Variants in SLC5A12 observed in about 807,000 individuals in gnomAD.
SLC5A12 encodes solute carrier family 5 member 12.
Under a neutral mutation model 72.7 loss-of-function variants are expected in SLC5A12, and 46 were observed. The observed-to-expected ratio is 0.63, with a 90% CI of 0.50 to 0.81. The LOEUF (loss-of-function observed/expected upper bound fraction) is 0.81. Ranked by LOEUF, SLC5A12 falls within the 30% of genes least tolerant of loss-of-function variation. The pLI, the probability that SLC5A12 is intolerant of heterozygous loss-of-function variation, is 0.00. For missense variants in SLC5A12, 683 were observed against 740.7 expected (o/e 0.92, Z 0.90); for synonymous variants, 275 against 264.4 (o/e 1.04, Z -0.39).
At chr11:26,686,643 T>C in intron 9 of SLC5A12, 99 bp from the exon 10 acceptor site, 1 of 1,024,774 alleles carries the variant, frequency 9.8e-7, no homozygotes. Context: ...ATCCAAGCCC[T>C]TTGCAAAGGG....
intron 1 of SLC5A12, among the ~76,000 whole-genome samples, chr11:26,715,796 C>T (rs1855337762): frequency 6.6e-6 from 1 of 152,094 alleles, no homozygotes; most frequent in Non-Finnish European, 1.5e-5. Flanking sequence ...CTAAAGGTAA[C>T]AAGGACAAGC....
intron 13 of SLC5A12, among the ~76,000 whole-genome samples, chr11:26,678,511 A>G (rs1565184571): frequency 1.3e-5 from 2 of 151,702 alleles, no homozygotes; most frequent in Non-Finnish European, 2.9e-5. Flanking sequence ...TCCCGTGAAT[A>G]TATGTTTTAT....
At chr11:26,717,613 A>G (rs960284999) in intron 1 of SLC5A12, among the ~76,000 whole-genome samples, 1 of 152,204 alleles carries the variant, frequency 6.6e-6, no homozygotes, top group Non-Finnish European at 1.5e-5. Context: ...CCCACTGCAT[A>G]TCAAGGCATT....
intron 4 of SLC5A12, among the ~76,000 whole-genome samples, chr11:26,704,896 G>A (rs1262591626): frequency 6.6e-6 from 1 of 152,074 alleles, no homozygotes; most frequent in Non-Finnish European, 1.5e-5. Flanking sequence ...AACTAGGAAG[G>A]AATAGTATAT....
intron 10 of SLC5A12, 24 bp from the exon 11 acceptor site, chr11:26,683,867 T>A (rs770303706): frequency 7.0e-6 from 11 of 1,565,754 alleles, no homozygotes; most frequent in Non-Finnish European, 9.5e-6. Context: ...GCAGACCAGA[T>A]GAATCCCCTA....
chr11:26,683,887 A>T, intron 10 of SLC5A12, 44 bp from the exon 11 acceptor site: 1 of 1,479,752 alleles, frequency 6.8e-7, no homozygotes, highest in Non-Finnish European at 9.3e-7. Context: ...ACTCAAGGGC[A>T]TCTGTGACTT....
intron 10 of SLC5A12, among the ~76,000 whole-genome samples, chr11:26,685,639 C>A (rs1463314756): frequency 1.3e-5 from 2 of 150,978 alleles, no homozygotes; most frequent in African/African-American, 2.4e-5. Flanking sequence ...AACAAAAAAA[C>A]CCACAAAGAC....
At chr11:26,680,721 C>T (rs190988013) in intron 12 of SLC5A12, among the ~76,000 whole-genome samples, 1 of 152,206 alleles carries the variant, frequency 6.6e-6, no homozygotes, top group African/African-American at 2.4e-5. Flanking sequence ...TCATTGCTCA[C>T]AAACTTCTTC....
intron 9 of SLC5A12, chr11:26,691,566 T>G (rs1854674868): frequency 6.6e-6 from 1 of 152,064 alleles, no homozygotes; most frequent in Non-Finnish European, 1.5e-5. Flanking sequence ...TGTATAATCA[T>G]TCAAATACCA....
At position 26,680,283 on chromosome 11, in the gene SLC5A12, T is replaced by TTATATATATGTATATATATTCA. The variant is rs1565185490; in HGVS notation, c.1475+750_1475+771dup. On this transcript the variant is annotated intron_variant, in intron 12 of 14. Transcript: ENST00000396005. ...TATTAAAGTCACGTGTAGTGCTACT[T>TTATATATATGTATATATATTCA]TATATATATGTATATATATTCATAT... Among the ~76,000 whole-genome samples the TTATATATATGTATATATATTCA allele has an allele frequency of 1.1e-4, 8 of 74,882 alleles. 1 individual carries two copies. The highest frequency in any genetic ancestry group is 2.0e-4 in the African/African-American group (5 of 24,732). 49.1% of individuals were successfully genotyped at this position (74,882 alleles called of 152,430 possible).
intron 4 of SLC5A12, among the ~76,000 whole-genome samples, chr11:26,708,504 T>C (rs1855143275): frequency 6.6e-6 from 1 of 152,094 alleles, no homozygotes; most frequent in Non-Finnish European, 1.5e-5. Flanking sequence ...CTAGGTGATA[T>C]GCACATAACA....
At chr11:26,692,067 G>A (rs1854690988) in intron 9 of SLC5A12, 1 of 159,148 alleles carries the variant, frequency 6.3e-6, no homozygotes, top group Non-Finnish European at 1.4e-5. Flanking sequence ...TTGAAAGAAG[G>A]AGTTGCCTTG....
chr11:26,712,713 G>T lies in SLC5A12; in HGVS notation c.340-7C>A, dbSNP rs1855261022. 1 of 1,575,732 alleles carries T rather than the reference G, an allele frequency of 6.3e-7. No individual in the cohort carries two copies. The highest frequency in any genetic ancestry group is 1.3e-5 in the African/African-American group (1 of 74,444). ...TGAATCGTAGTTGTAAGTACTAAAG[G>T]AAACAGAAAGACATGCAGAGTCAGT... On this transcript the variant is annotated splice_region_variant and splice_polypyrimidine_tract_variant and intron_variant, in intron 1 of 14. Coordinates refer to ENST00000396005, the MANE Select transcript of SLC5A12 (RefSeq NM_178498.4).
chr11:26,721,723 G>T lies in SLC5A12; in HGVS notation c.-9C>A, dbSNP rs1855486659. 6.2e-7 allele frequency: 1 copy of T among 1,607,808 alleles called. No homozygotes were observed. ...AAGTTCTTCACCTCCATATTGGAAA[G>T]TATGACACCAGAGAGTTTCTTTCAA... is the stretch of plus-strand genomic sequence containing the variant. On this transcript the variant is annotated 5_prime_UTR_variant, in exon 1 of 15. Transcript: ENST00000396005.
chr11:26,707,771 C>T (rs1855125141), intron 4 of SLC5A12, among the ~76,000 whole-genome samples: 1 of 152,006 alleles, frequency 6.6e-6, no homozygotes, highest in Non-Finnish European at 1.5e-5. Context: ...GATCCTCACT[C>T]ACAGTAAATT....
intron 6 of SLC5A12, among the ~76,000 whole-genome samples, chr11:26,701,661 T>C (rs1590729848): frequency 6.6e-6 from 1 of 152,200 alleles, no homozygotes; most frequent in African/African-American, 2.4e-5. Flanking sequence ...TTGGCCTTTC[T>C]TGTTGGAAAT....
intron 11 of SLC5A12, among the ~76,000 whole-genome samples, chr11:26,681,519 G>A (rs1377209900): frequency 6.6e-6 from 1 of 152,094 alleles, no homozygotes; most frequent in African/African-American, 2.4e-5. Context: ...TACTTAAAAA[G>A]CTGCTGAAAC....
intron 13 of SLC5A12, among the ~76,000 whole-genome samples, chr11:26,676,503 TA>T (rs1432072150): frequency 5.9e-5 from 9 of 152,056 alleles, no homozygotes; most frequent in Non-Finnish European, 1.2e-4. Flanking sequence ...GAGAAAAATA[TA>T]GTAAGATTCA....
At chr11:26,697,494 C>T (rs994106733) in intron 7 of SLC5A12, among the ~76,000 whole-genome samples, 5 of 152,098 alleles carry the variant, frequency 3.3e-5, no homozygotes, top group Non-Finnish European at 7.4e-5. Flanking sequence ...TAAAAGAAGA[C>T]TTCAGGGAAT....
Sources: allele counts gnomAD v4.1 joint callset (sites outside exome capture counted in the v4.1 genomes callset), GRCh38; gene constraint gnomAD v4.1.1; transcripts MANE v1.5; gene names NCBI Gene and HGNC (gene_info 2026-07-23, HGNC 2026-07-21).